Variants in CHD2 observed in about 807,000 individuals in gnomAD.
CHD2 encodes ATP-dependent chromatin remodeler CHD2.
Under a neutral mutation model 243.9 loss-of-function variants are expected in CHD2, and 28 were observed. The observed-to-expected ratio is 0.11, with a 90% confidence interval of 0.09 to 0.16. The LOEUF is 0.16. CHD2 is among the 10% of genes least tolerant of loss of function. The pLI is 1.00. For synonymous variants in CHD2, 775 were observed against 779.0 expected (o/e 0.99, Z 0.09); for missense variants, 1,386 against 2,209.8 (o/e 0.63, Z 7.47).
rs148148101 is a variant in CHD2, at chr15:92,924,853, C to T, written c.294+301C>T. On this transcript the variant is annotated intron_variant, in intron 3 of 38. Coordinates refer to ENST00000394196, the MANE Select transcript of CHD2 (RefSeq NM_001271.4). ...TTGCTCTGTTGCCCAGCCTGGAGTG[C>T]GCAGTGGCACGATCTTGGCTCACTG... Among the ~76,000 whole-genome samples the T allele has an allele frequency of 4.0e-3, 608 of 152,142 alleles. 4 individuals carry two copies. The highest frequency in any genetic ancestry group is 7.2e-3 in the Admixed American group (110 of 15,288).
intron 31 of CHD2, 78 bp from the exon 32 acceptor site, chr15:93,000,434 A>G (rs2054240086): frequency 7.2e-7 from 1 of 1,388,564 alleles, no homozygotes. Flanking sequence ...TACTGCTTTA[A>G]AGAGTCATCA....
chr15:92,941,304 T>C (rs2053379308), intron 7 of CHD2, among the ~76,000 whole-genome samples: 1 of 152,098 alleles, frequency 6.6e-6, no homozygotes, highest in Non-Finnish European at 1.5e-5. Flanking sequence ...TATGTTTCTT[T>C]TTTTAAACCA....
intron 28 of CHD2, among the ~76,000 whole-genome samples, chr15:92,993,819 A>C (rs898992337): frequency 1.1e-4 from 16 of 152,120 alleles, no homozygotes; most frequent in African/African-American, 2.4e-5. Context: ...AGTAGGATGC[A>C]CACCTGTAAT....
At chr15:92,987,261 G>A (rs570556608) in intron 26 of CHD2, among the ~76,000 whole-genome samples, 67 of 152,070 alleles carry the variant, frequency 4.4e-4, no homozygotes, top group African/African-American at 1.5e-3. Flanking sequence ...TTTGATATTA[G>A]TATAGCCACT....
intron 38 of CHD2, 91 bp downstream of exon 38, chr15:93,020,349 A>G (rs759982033): frequency 1.0e-5 from 15 of 1,476,254 alleles, no homozygotes; most frequent in African/African-American, 2.8e-5. Context: ...GTATTTATCT[A>G]TCAAATTACT....
At chr15:92,937,413 C>T (rs1004300052) in intron 5 of CHD2, 105 bp from the exon 6 acceptor site, 2 of 720,064 alleles carry the variant, frequency 2.8e-6, no homozygotes, top group African/African-American at 3.6e-5. Flanking sequence ...CTAAAATGTG[C>T]ATGTTCTGCC....
intron 38 of CHD2, among the ~76,000 whole-genome samples, chr15:93,023,571 C>G (rs1328728355): frequency 6.6e-6 from 1 of 151,980 alleles, no homozygotes; most frequent in East Asian, 1.9e-4. Context: ...TAGGAAACAC[C>G]AAAATGTTTC....
Position 92,934,073 on chromosome 15 carries a change from TC to T in CHD2, c.444-3443del, listed in dbSNP as rs59361958. On this transcript the variant is annotated intron_variant, in intron 5 of 38. Transcript: ENST00000394196. ...GAAACAAAAGTAGCTACTTCCCTCT[TC>T]CAGATGTCTTCTAAGTGGAGGAAAA... Among the ~76,000 whole-genome samples the T allele has an allele frequency of 8.1e-3, 1,228 of 152,338 alleles. 55 individuals carry two copies. Among genetic ancestry groups the T allele is most frequent in the Admixed American group, 0.069 (1,053 of 15,304 alleles).
In CHD2 at chr15:92,998,264, A is replaced by G; in HGVS notation, c.3886-235A>G. 1 of 1,268,938 alleles carries G rather than the reference A, an allele frequency of 7.9e-7. No homozygotes were observed. Among genetic ancestry groups the G allele is most frequent in the Non-Finnish European group, 1.0e-6 (1 of 996,508 alleles). The allele number at this position is 1,268,938 out of a possible 1,614,324, so 78.6% of individuals were successfully genotyped here. ...GTTCTACCCTGTTAACAGCACAGGT[A>G]GGAGCCATTGGGAGAGCTGGATTTC... On this transcript the variant is annotated intron_variant, in intron 30 of 38. Transcript: ENST00000394196. The surrounding 1 kb of genome is among the most constrained non-coding windows in gnomAD (Gnocchi z 5.1).
rs986938066 is a variant in CHD2 at position 92,900,395 on chromosome 15, C to G, written c.-501C>G. On this transcript the variant is annotated 5_prime_UTR_variant, in exon 1 of 39. Transcript: ENST00000394196. ...CGCGCTCTGCTCCCTGCCTTTGCCT[C>G]ACTTTACGCAACTTTCCCTAACTTT... The G allele has an allele frequency of 2.5e-6, 1 of 394,578 alleles. No individual in the cohort carries two copies. Among genetic ancestry groups the G allele is most frequent in the African/African-American group, 2.1e-5 (1 of 48,544 alleles). The allele number at this position is 394,578 out of a possible 1,614,324, so 24.4% of individuals were successfully genotyped here.
chr15:92,974,723 C>T, intron 19 of CHD2, 156 bp from the exon 20 acceptor site: 1 of 605,482 alleles, frequency 1.7e-6, no homozygotes, highest in South Asian at 1.9e-5. Context: ...GTAGGGTGTG[C>T]TTCTTAAGCA....
intron 26 of CHD2, among the ~76,000 whole-genome samples, chr15:92,986,981 C>T (rs2054051686): frequency 2.0e-5 from 3 of 152,252 alleles, no homozygotes; most frequent in East Asian, 3.9e-4. Context: ...AAGTATCCTC[C>T]TGCTTCAGCC....
At chr15:92,960,547 TTAACA>T (rs1417907568) in intron 16 of CHD2, among the ~76,000 whole-genome samples, 2 of 152,106 alleles carry the variant, frequency 1.3e-5, no homozygotes, top group Non-Finnish European at 2.9e-5. Flanking sequence ...GTTTTGTCCT[TTAACA>T]ATATAGTATA....
intron 2 of CHD2, among the ~76,000 whole-genome samples, chr15:92,903,579 C>T (rs1596361433): frequency 6.6e-6 from 1 of 152,100 alleles, no homozygotes; most frequent in Non-Finnish European, 1.5e-5. Flanking sequence ...CTTTAAAAAA[C>T]GCGATTTTAA....
At chr15:92,905,631 A>G (rs1443089445) in intron 2 of CHD2, among the ~76,000 whole-genome samples, 2 of 152,244 alleles carry the variant, frequency 1.3e-5, no homozygotes, top group African/African-American at 4.8e-5. Flanking sequence ...AGAATTCACT[A>G]TGATAGTGAG....
chr15:93,010,777 A>G (rs1418672741), intron 35 of CHD2, among the ~76,000 whole-genome samples: 1 of 152,108 alleles, frequency 6.6e-6, no homozygotes, highest in African/African-American at 2.4e-5. Flanking sequence ...TCCATTAATC[A>G]CAGTTACTTC....
intron 2 of CHD2, among the ~76,000 whole-genome samples, chr15:92,908,448 G>A (rs2052663473): frequency 2.0e-5 from 3 of 152,070 alleles, no homozygotes; most frequent in African/African-American, 7.3e-5. Context: ...TTGGGTTATA[G>A]GTCAGATGGG....
intron 5 of CHD2, among the ~76,000 whole-genome samples, chr15:92,933,463 A>G (rs1217239095): frequency 6.6e-6 from 1 of 152,220 alleles, no homozygotes; most frequent in Non-Finnish European, 1.5e-5. Context: ...GAGTCATACA[A>G]ACAAACAAAA....
intron 5 of CHD2, among the ~76,000 whole-genome samples, chr15:92,930,168 C>T (rs1044671333): frequency 6.6e-6 from 1 of 152,188 alleles, no homozygotes; most frequent in Non-Finnish European, 1.5e-5. Flanking sequence ...CTATTATCTG[C>T]TTACTGGTCT....
Sources: allele counts gnomAD v4.1 joint callset (sites outside exome capture counted in the v4.1 genomes callset), GRCh38; gene constraint gnomAD v4.1.1; non-coding constraint Gnocchi (gnomAD v3.1); transcripts MANE v1.5; gene names NCBI Gene and HGNC (gene_info 2026-07-23, HGNC 2026-07-21).